Variants in SV2C observed in about 807,000 individuals in gnomAD.
The protein encoded by SV2C is solute carrier family 22 member B3.
SV2C carries 49 observed loss-of-function variants against 79.7 expected under a neutral mutation model. That is an observed-to-expected ratio of 0.61 (90% confidence interval 0.49 to 0.78). The LOEUF is 0.78. SV2C is among the 30% of genes least tolerant of loss of function. The pLI is 0.00. For synonymous variants in SV2C, 334 were observed against 333.2 expected (o/e 1.00, Z -0.03); for missense variants, 833 against 912.9 (o/e 0.91, Z 1.13).
chr5:76,085,405 A>C (rs1011877021), intron 1 of SV2C, among the ~76,000 whole-genome samples: 1 of 152,120 alleles, frequency 6.6e-6, no homozygotes, highest in Non-Finnish European at 1.5e-5. Context: ...AATAAATCAA[A>C]TCCACGATCC....
chr5:76,195,193 C>A, intron 3 of SV2C, 94 bp downstream of exon 3: 1 of 1,278,876 alleles, frequency 7.8e-7, no homozygotes, highest in Non-Finnish European at 1.1e-6. Flanking sequence ...TATCCCTTCA[C>A]ACATCTCCTT....
chr5:76,034,417 C>T, the SV2C span, among the ~76,000 whole-genome samples: 1 of 152,130 alleles, frequency 6.6e-6, no homozygotes, highest in Non-Finnish European at 1.5e-5. Flanking sequence ...TTTTGAGATA[C>T]ATCCCATCAA....
intron 1 of SV2C, 120 bp from the exon 2 acceptor site, chr5:76,131,530 A>G (rs77074067): frequency 1.0e-4 from 32 of 320,114 alleles, no homozygotes; most frequent in Admixed American, 8.7e-4. Context: ...AAAAAAAAAA[A>G]GGAAAAACTA....
Position 76,197,971 on chromosome 5 carries a change from A to C in SV2C, c.761+2872A>C, listed in dbSNP as rs188669915. Among the ~76,000 whole-genome samples the C allele has an allele frequency of 1.2e-3, 186 of 152,264 alleles. 1 individual carries two copies. The highest frequency in any genetic ancestry group is 2.0e-3 in the Admixed American group (31 of 15,302). Reference sequence around the variant, plus strand: ...AGTCCAAAGGCCAGAGAACCTGGGGATCTGTTGTCCAAGGACAGGAGAGGA... The same window carrying C: ...AGTCCAAAGGCCAGAGAACCTGGGGCTCTGTTGTCCAAGGACAGGAGAGGA... On this transcript the variant is annotated intron_variant, in intron 3 of 12. Transcript: ENST00000502798.
At chr5:76,034,478 A>G in the SV2C span, among the ~76,000 whole-genome samples, 2 of 152,182 alleles carry the variant, frequency 1.3e-5, no homozygotes, top group Non-Finnish European at 2.9e-5. Context: ...AATTTTGTCA[A>G]AGGCCTTTTC....
intron 2 of SV2C, among the ~76,000 whole-genome samples, chr5:76,183,033 T>C (rs867781916): frequency 0.3 from 34,716 of 117,516 alleles, 6,283 homozygotes; most frequent in Middle Eastern, 0.41. Flanking sequence ...ACCTACCATT[T>C]TTTTTTTTTT....
chr5:76,056,726 T>C, the SV2C span, among the ~76,000 whole-genome samples: 1 of 151,474 alleles, frequency 6.6e-6, no homozygotes, highest in Non-Finnish European at 1.5e-5. Context: ...TCTTTCTGGT[T>C]TGGTCTTGGG....
intron 4 of SV2C, among the ~76,000 whole-genome samples, chr5:76,251,451 C>G (rs867958752): frequency 3.5e-4 from 53 of 152,134 alleles, no homozygotes; most frequent in African/African-American, 1.1e-3. Context: ...ACTCAGGAGG[C>G]TGAGGTGGAA....
chr5:76,337,368 T>C (rs1197348183), downstream of SV2C, among the ~76,000 whole-genome samples: 1 of 152,152 alleles, frequency 6.6e-6, no homozygotes, highest in Non-Finnish European at 1.5e-5. Context: ...CCTATACTAA[T>C]GACTTCTTTT....
intron 8 of SV2C, among the ~76,000 whole-genome samples, chr5:76,294,126 G>A (rs1050251388): frequency 2.6e-5 from 4 of 152,118 alleles, no homozygotes; most frequent in Admixed American, 6.5e-5. Context: ...CTGCTGGTCC[G>A]GGGACCTTAT....
the SV2C span, among the ~76,000 whole-genome samples, chr5:75,867,422 T>C: frequency 6.6e-6 from 1 of 152,002 alleles, no homozygotes. Flanking sequence ...GACAATATGC[T>C]GGGAGAACTT....
chr5:76,036,948 T>G, the SV2C span, among the ~76,000 whole-genome samples: 1 of 152,236 alleles, frequency 6.6e-6, no homozygotes, highest in Non-Finnish European at 1.5e-5. Context: ...TCGTTTCTTT[T>G]TATTCTTTTT....
At chr5:75,857,067 C>T in the SV2C span, among the ~76,000 whole-genome samples, 1 of 150,966 alleles carries the variant, frequency 6.6e-6, no homozygotes, top group Non-Finnish European at 1.5e-5. Flanking sequence ...AGCCGATTCT[C>T]CTGCCTCAGC....
Position 76,116,495 on chromosome 5 carries a change from C to CCGCCTTCCCTAAGCCT in SV2C, c.-101-15147_-101-15132dup, listed in dbSNP as rs571847120. ...TGCCTTCTGCTCTTCCCAGTCCCCA[C>CCGCCTTCCCTAAGCCT]CGCCTTCCCTAAGCCTCGCCTTCTG... On this transcript the variant is annotated intron_variant, in intron 1 of 12. Transcript: ENST00000502798. 2.0e-4 allele frequency among the ~76,000 whole-genome samples: 30 copies of CCGCCTTCCCTAAGCCT among 152,338 alleles called. 1 individual carries two copies. In the South Asian group the frequency reaches 6.2e-3, roughly 32 times the overall value.
the SV2C span, among the ~76,000 whole-genome samples, chr5:75,998,181 G>T: frequency 1.3e-5 from 2 of 152,064 alleles, no homozygotes; most frequent in African/African-American, 4.8e-5. Flanking sequence ...TCACACACCG[G>T]GGCCTGATAC....
At chr5:75,940,752 CA>C in the SV2C span, among the ~76,000 whole-genome samples, 1 of 152,132 alleles carries the variant, frequency 6.6e-6, no homozygotes, top group Non-Finnish European at 1.5e-5. Flanking sequence ...GATGAGAAAA[CA>C]AGATTGGAAG....
the SV2C span, among the ~76,000 whole-genome samples, chr5:76,033,128 T>C: frequency 2.0e-5 from 3 of 152,162 alleles, no homozygotes; most frequent in Non-Finnish European, 4.4e-5. Flanking sequence ...TTTGAGTTCA[T>C]TGTAGATTCT....
chr5:75,920,565 C>T, the SV2C span: 1 of 482,416 alleles, frequency 2.1e-6, no homozygotes, highest in Non-Finnish European at 3.7e-6. Context: ...CCATGGCTGG[C>T]TGGATTGGAT....
intron 2 of SV2C, among the ~76,000 whole-genome samples, chr5:76,189,604 C>T (rs764009713): frequency 6.6e-6 from 1 of 152,156 alleles, no homozygotes; most frequent in South Asian, 2.1e-4. Flanking sequence ...TATAAGCATA[C>T]ATTCGTTTGA....
Sources: gnomAD v4.1 joint callset for allele counts (sites outside exome capture counted in the v4.1 genomes callset) on GRCh38, gnomAD v4.1.1 for gene constraint, MANE v1.5 for transcripts, NCBI Gene and HGNC (gene_info 2026-07-23, HGNC 2026-07-21) for gene names.